The following ZC3HC1 variants were observed in gnomAD, a reference collection of about 807,000 sequenced individuals.
ZC3HC1 encodes zinc finger C3HC-type containing 1, also known as zinc finger C3HC-type protein 1.
In ZC3HC1, 38 loss-of-function variants were observed where a neutral mutation model predicts 61.9. The ratio of observed to expected loss-of-function variants is 0.61; its 90% CI spans 0.47 to 0.81. ZC3HC1 has a LOEUF of 0.81. Among genes scored for constraint, ZC3HC1 ranks in the 30% least tolerant of loss-of-function variants. The probability of loss-of-function intolerance (pLI) is 0.00; values close to 1 mark genes in which losing one functional copy is unlikely to be tolerated. For synonymous variants in ZC3HC1, 213 were observed against 229.9 expected, an observed-to-expected ratio of 0.93 and a Z score of 0.67; for missense variants, 554 against 622.7, an observed-to-expected ratio of 0.89 and a Z score of 1.17.
Position 130,023,531 on chromosome 7 carries a change from G to C in ZC3HC1, c.1213C>G (p.Leu405Val), listed in dbSNP as rs1793741350. Reference protein sequence around the residue: ...SPLRKAKRARLCSSSSSDTSS... With the variant: ...SPLRKAKRARVCSSSSSDTSS... ...CTCACCGAACTGCTGGAGGAGCAGAGGCGAGCTCGCTTGGCTTTCCGCAGA... is the reference window on the plus strand; with the variant it reads ...CTCACCGAACTGCTGGAGGAGCAGACGCGAGCTCGCTTGGCTTTCCGCAGA... Residue 405 changes from leucine to valine, a missense_variant, in exon 8 of 10, where the codon CTC (leucine) becomes GTC (valine). By Grantham distance (32) the Leu-to-Val change is conservative. Coordinates refer to ENST00000358303, the MANE Select transcript of ZC3HC1 (RefSeq NM_016478.5). This position sits in a 1 kb window ranked among gnomAD's most constrained non-coding sequence, Gnocchi z 4.2. 6.2e-7 allele frequency: 1 copy of C among 1,614,174 alleles called. No individual in the cohort carries two copies. The highest frequency in any genetic ancestry group is 2.2e-5 in the East Asian group (1 of 44,886).
intron 1 of ZC3HC1, among the ~76,000 whole-genome samples, chr7:130,050,938 C>G (rs1399553683): frequency 6.6e-6 from 1 of 152,098 alleles, no homozygotes. Flanking sequence ...GTTAAGAATC[C>G]CCAATTAAGA....
intron 9 of ZC3HC1, 23 bp downstream of exon 9, chr7:130,022,296 C>T (rs781156969): frequency 1.9e-6 from 3 of 1,613,896 alleles, no homozygotes; most frequent in South Asian, 1.1e-5. Context: ...GCTGCCCACA[C>T]ACAAGGCAGT....
At position 130,018,508 on chromosome 7, in the gene ZC3HC1, T is replaced by G. The variant is rs762347157; in HGVS notation, c.*156A>C. On this transcript the variant is annotated 3_prime_UTR_variant, in exon 10 of 10. Coordinates refer to ENST00000358303, the MANE Select transcript of ZC3HC1 (RefSeq NM_016478.5). ...CGGGTCTCTCTCAGCCAGATGCAGA[T>G]AGTTGACACTCACTGCCTTTGCTAT... 4.8e-6 allele frequency: 3 copies of G among 620,932 alleles called. No homozygotes were observed. Among genetic ancestry groups the G allele is most frequent in the Non-Finnish European group, 8.7e-6 (3 of 345,870 alleles). 38.5% of individuals were successfully genotyped at this position (620,932 alleles called of 1,614,324 possible). A position where few individuals can be genotyped will look rare whatever the true frequency, so the allele number is the denominator to read the frequency against.
intron 2 of ZC3HC1, among the ~76,000 whole-genome samples, chr7:130,042,141 G>GA (rs1794703096): frequency 6.6e-6 from 1 of 151,458 alleles, no homozygotes; most frequent in African/African-American, 2.4e-5. Context: ...CATCTCTATT[G>GA]AAAATCAAAA....
chr7:130,043,959 G>C (rs1348631535), intron 2 of ZC3HC1: 2 of 416,764 alleles, frequency 4.8e-6, no homozygotes, highest in East Asian at 7.2e-5. Context: ...GAGAAAACTA[G>C]AATGAATCCT....
Position 130,049,112 on chromosome 7 carries a change from T to C in ZC3HC1, c.179A>G (p.Asn60Ser). ...AGGTTGTTCCGCTTGGGGTGATCCA[T>C]TAACTGACTGGGATGTGGCAGACGT... Reference protein sequence around the residue: ...KDTSATSQSVNGSPQAEQPSL... With the variant: ...KDTSATSQSVSGSPQAEQPSL... Residue 60 changes from asparagine (N) to serine (S), a missense_variant, in exon 2 of 10, where the codon AAT (asparagine) becomes AGT (serine). Coordinates refer to ENST00000358303, the MANE Select transcript of ZC3HC1 (RefSeq NM_016478.5). The C allele has an allele frequency of 1.2e-6, 2 of 1,605,688 alleles. No individual in the cohort carries two copies. Among genetic ancestry groups the C allele is most frequent in the Non-Finnish European group, 1.7e-6 (2 of 1,176,324 alleles).
chr7:130,018,851 A>T (rs558891189), intron 9 of ZC3HC1, 119 bp from the exon 10 acceptor site: 2 of 818,204 alleles, frequency 2.4e-6, no homozygotes, highest in African/African-American at 1.7e-5. Flanking sequence ...ATTTTGTAGT[A>T]TGCTATACAT....
chr7:130,041,805 G>A (rs1794686138), intron 2 of ZC3HC1, among the ~76,000 whole-genome samples: 1 of 152,092 alleles, frequency 6.6e-6, no homozygotes, highest in African/African-American at 2.4e-5. Flanking sequence ...GCAATTACAG[G>A]CGTGAGCCAC....
intron 4 of ZC3HC1, among the ~76,000 whole-genome samples, chr7:130,037,875 T>A (rs1028630666): frequency 6.6e-6 from 1 of 152,238 alleles, no homozygotes; most frequent in Non-Finnish European, 1.5e-5. Context: ...AATTTTTTTA[T>A]ACTTGCTCTT....
Position 130,024,349 on chromosome 7 carries a change from G to C in ZC3HC1, c.934C>G (p.Pro312Ala). 3 of 1,614,088 alleles carry C rather than the reference G, an allele frequency of 1.9e-6. No individual in the cohort carries two copies. The South Asian group carries it at 3.3e-5, about 18-fold the overall frequency. Residue 312 changes from proline (P) to alanine (A), a missense_variant, in exon 7 of 10, where the codon CCA becomes GCA. Transcript: ENST00000358303. The stretch of plus-strand genomic sequence containing the variant: ...TCAGGCACCAGAGGTAAGCGCTCTG[G>C]TCGCCCCTCAAGGCCTGGGATTGGG... ...SSPIPGLEGR[P>A]ERLPLVPESP...
chr7:130,040,883 C>T (rs775618253), intron 3 of ZC3HC1, 68 bp downstream of exon 3: 168 of 1,435,810 alleles, frequency 1.2e-4, no homozygotes, highest in Admixed American at 2.3e-4. Context: ...CCTTTTTTCC[C>T]CCCCCAGAAA....
chr7:130,022,947 T>TAGACTTCGGGCTCC (rs1793712611), intron 8 of ZC3HC1: 1 of 218,254 alleles, frequency 4.6e-6, no homozygotes, highest in Non-Finnish European at 9.1e-6. Context: ...GAGAGGGATC[T>TAGACTTCGGGCTCC]AGACTTCGGG....
chr7:130,043,854 A>C (rs1039043765), intron 2 of ZC3HC1: 2 of 456,076 alleles, frequency 4.4e-6, no homozygotes, highest in Non-Finnish European at 8.8e-6. Flanking sequence ...TGGGAGATTA[A>C]GCACATATAG....
rs1328560146 is a variant in ZC3HC1, at chr7:130,023,468, T to G, written c.1233+43A>C. 1.9e-6 allele frequency: 3 copies of G among 1,596,384 alleles called. No individual in the cohort carries two copies. Among genetic ancestry groups the G allele is most frequent in the Admixed American group, 1.7e-5 (1 of 59,674 alleles). ...CATGCTGCCTAGGGAGGGCCCAATATGCTGTTTATGCTCAGCCACTGCTAC... is the reference window on the plus strand; with the variant it reads ...CATGCTGCCTAGGGAGGGCCCAATAGGCTGTTTATGCTCAGCCACTGCTAC... On this transcript the variant is annotated intron_variant, in intron 8 of 9. Transcript: ENST00000358303. The surrounding 1 kb of genome is among the most constrained non-coding windows in gnomAD (Gnocchi z 4.2).
At chr7:130,028,370 C>A (rs1038218718) in intron 5 of ZC3HC1, among the ~76,000 whole-genome samples, 1 of 151,158 alleles carries the variant, frequency 6.6e-6, no homozygotes, top group Non-Finnish European at 1.5e-5. Context: ...GGTGAAACCC[C>A]GTCTCTACTA....
intron 5 of ZC3HC1, among the ~76,000 whole-genome samples, chr7:130,027,958 G>T (rs914173797): frequency 6.7e-6 from 1 of 149,646 alleles, no homozygotes; most frequent in Non-Finnish European, 1.5e-5. Context: ...CACGAGGTCA[G>T]GAGATCTAGA....
chr7:130,051,111 CCCCACTG>C, intron 1 of ZC3HC1, 103 bp downstream of exon 1: 1 of 1,372,448 alleles, frequency 7.3e-7, no homozygotes, highest in Non-Finnish European at 9.8e-7. Context: ...AAGAAGCCAT[CCCCACTG>C]CCCGAGTCGC....
intron 1 of ZC3HC1, 141 bp downstream of exon 1, chr7:130,051,080 C>A: frequency 8.5e-7 from 1 of 1,169,952 alleles, no homozygotes; most frequent in Non-Finnish European, 1.2e-6. Flanking sequence ...AACATAGTAA[C>A]CAGAGTTTCT....
At chr7:130,043,564 C>T (rs981703105) in intron 2 of ZC3HC1, 2 of 184,288 alleles carry the variant, frequency 1.1e-5, no homozygotes, top group Non-Finnish European at 2.3e-5. Flanking sequence ...GGAAATGGAT[C>T]TAAATATTTT....
Sources: gnomAD v4.1 joint callset for allele counts (sites outside exome capture counted in the v4.1 genomes callset) on GRCh38, gnomAD v4.1.1 for gene constraint, Gnocchi (gnomAD v3.1) non-coding constraint, MANE v1.5 for transcripts, NCBI Gene and HGNC (gene_info 2026-07-23, HGNC 2026-07-21) for gene names.